The following SPMIP4 variants were observed in gnomAD, a reference collection of about 807,000 sequenced individuals.
SPMIP4 encodes sperm microtubule inner protein 4, also known as sperm-associated microtubule inner protein 4.
the SPMIP4 span, among the ~76,000 whole-genome samples, chr7:25,164,872 A>G: frequency 6.6e-6 from 1 of 152,202 alleles, no homozygotes; most frequent in Non-Finnish European, 1.5e-5. Context: ...GTGAGAACAT[A>G]CAATGTCTGA....
At chr7:25,162,553 T>C in the SPMIP4 span, among the ~76,000 whole-genome samples, 15 of 152,162 alleles carry the variant, frequency 9.9e-5, no homozygotes, top group Middle Eastern at 3.4e-3. Flanking sequence ...TCAACCCAAC[T>C]AGTAAGCAGA....
At chr7:25,161,170 GA>G in the SPMIP4 span, 8 of 1,457,728 alleles carry the variant, frequency 5.5e-6, no homozygotes, top group South Asian at 4.1e-5. Flanking sequence ...TTTATATAAG[GA>G]AAAAAACCCA....
At chr7:25,173,065 G>A in the SPMIP4 span, among the ~76,000 whole-genome samples, 1 of 151,516 alleles carries the variant, frequency 6.6e-6, no homozygotes, top group Non-Finnish European at 1.5e-5. This position sits in a 1 kb window ranked among gnomAD's most constrained non-coding sequence, Gnocchi z 4.4. Flanking sequence ...GAGAGGGGGA[G>A]AGAATGGGAA....
At chr7:25,155,962 C>G in the SPMIP4 span, among the ~76,000 whole-genome samples, 1 of 152,146 alleles carries the variant, frequency 6.6e-6, no homozygotes, top group Non-Finnish European at 1.5e-5. Context: ...GTGTTGAATT[C>G]CTCCCTTCCG....
chr7:25,129,867 G>A, the SPMIP4 span, among the ~76,000 whole-genome samples: 9 of 152,068 alleles, frequency 5.9e-5, no homozygotes, highest in African/African-American at 1.9e-4. Flanking sequence ...TTAATTATCA[G>A]AGGGCCAGCC....
chr7:25,144,735 C>T, the SPMIP4 span, among the ~76,000 whole-genome samples: 1 of 152,140 alleles, frequency 6.6e-6, no homozygotes, highest in Admixed American at 6.6e-5. Context: ...AAGTGTGGGG[C>T]CTTCTAAAGT....
At chr7:25,134,273 A>T in the SPMIP4 span, among the ~76,000 whole-genome samples, 1 of 151,794 alleles carries the variant, frequency 6.6e-6, no homozygotes, top group Non-Finnish European at 1.5e-5. Context: ...CAAAAACAAA[A>T]ACAAAAACAA....
the SPMIP4 span, among the ~76,000 whole-genome samples, chr7:25,150,718 G>C: frequency 6.6e-6 from 1 of 152,154 alleles, no homozygotes; most frequent in Non-Finnish European, 1.5e-5. Context: ...TCAGAGACTA[G>C]AACTTCACAA....
At chr7:25,134,801 C>A in the SPMIP4 span, 1 of 985,266 alleles carries the variant, frequency 1.0e-6, no homozygotes. Context: ...ACTTCAGACA[C>A]TCCCAATTGC....
At chr7:25,136,539 T>C in the SPMIP4 span, 717 of 1,614,208 alleles carry the variant, frequency 4.4e-4, 7 homozygotes, top group African/African-American at 8.4e-3. The surrounding 1 kb of genome is among the most constrained non-coding windows in gnomAD (Gnocchi z 5.7). Flanking sequence ...GCAAGCTCTG[T>C]TCTTCTATGA....
the SPMIP4 span, among the ~76,000 whole-genome samples, chr7:25,159,342 G>A: frequency 6.6e-6 from 1 of 152,188 alleles, no homozygotes; most frequent in African/African-American, 2.4e-5. Context: ...CTGGAAGCAT[G>A]CCTTTTCTGA....
At chr7:25,155,114 C>T in the SPMIP4 span, 24 of 1,613,042 alleles carry the variant, frequency 1.5e-5, no homozygotes, top group Non-Finnish European at 1.9e-5. Flanking sequence ...CCTCAGGTGA[C>T]GTGAAGGTGG....
chr7:25,145,020 T>C, the SPMIP4 span, among the ~76,000 whole-genome samples: 1 of 150,888 alleles, frequency 6.6e-6, no homozygotes, highest in Admixed American at 6.6e-5. Flanking sequence ...TGGAGTGCAG[T>C]GGTGCGATCT....
At chr7:25,156,494 A>G in the SPMIP4 span, among the ~76,000 whole-genome samples, 1 of 152,212 alleles carries the variant, frequency 6.6e-6, no homozygotes, top group Non-Finnish European at 1.5e-5. Context: ...AAAGACCAAA[A>G]AAACCTAGAA....
the SPMIP4 span, among the ~76,000 whole-genome samples, chr7:25,130,464 C>G: frequency 2.0e-4 from 31 of 151,944 alleles, no homozygotes; most frequent in East Asian, 5.3e-3. Flanking sequence ...AGGTGTGTGC[C>G]ACCATGCCCG....
At chr7:25,147,161 G>T in the SPMIP4 span, among the ~76,000 whole-genome samples, 1 of 152,194 alleles carries the variant, frequency 6.6e-6, no homozygotes, top group Non-Finnish European at 1.5e-5. Flanking sequence ...GGGCATAGTG[G>T]CGCACATCTG....
the SPMIP4 span, among the ~76,000 whole-genome samples, chr7:25,174,585 A>C: frequency 6.6e-6 from 1 of 152,220 alleles, no homozygotes; most frequent in Non-Finnish European, 1.5e-5. This position sits in a 1 kb window ranked among gnomAD's most constrained non-coding sequence, Gnocchi z 4.5. Flanking sequence ...CTATTATTTA[A>C]AAAAATGTTT....
At chr7:25,135,669 A>G in the SPMIP4 span, 1 of 847,270 alleles carries the variant, frequency 1.2e-6, no homozygotes, top group Non-Finnish European at 1.5e-6. Context: ...TTTGTTGTAC[A>G]CATTGCTTTT....
At chr7:25,136,262 C>T in the SPMIP4 span, 1 of 1,614,108 alleles carries the variant, frequency 6.2e-7, no homozygotes, top group Non-Finnish European at 8.5e-7. The surrounding 1 kb of genome is among the most constrained non-coding windows in gnomAD (Gnocchi z 5.7). Flanking sequence ...GCTTCCGTGT[C>T]TTGTTTATTT....
Sources: gnomAD v4.1 joint callset for allele counts (sites outside exome capture counted in the v4.1 genomes callset) on GRCh38, gnomAD v4.1.1 for gene constraint, Gnocchi (gnomAD v3.1) non-coding constraint, MANE v1.5 for transcripts, NCBI Gene and HGNC (gene_info 2026-07-23, HGNC 2026-07-21) for gene names.